Variants in TMOD1 observed in about 807,000 individuals in gnomAD.
TMOD1 encodes the protein tropomodulin-1.
Under a neutral mutation model 40.6 loss-of-function variants are expected in TMOD1, and 17 were observed. The ratio of observed to expected loss-of-function variants is 0.42; its 90% CI spans 0.29 to 0.63. The LOEUF is 0.63. TMOD1 is among the 20% of genes least tolerant of loss of function. The pLI, the probability that TMOD1 is intolerant of heterozygous loss-of-function variation, is 0.22. For missense variants in TMOD1, 391 were observed against 447.6 expected, an observed-to-expected ratio of 0.87 and a Z score of 1.14; for synonymous variants, 181 against 175.0, an observed-to-expected ratio of 1.03 and a Z score of -0.27.
intron 1 of TMOD1, among the ~76,000 whole-genome samples, chr9:97,515,155 AG>A (rs1829783260): frequency 6.7e-6 from 1 of 149,186 alleles, no homozygotes; most frequent in Admixed American, 6.7e-5. Context: ...TGGTCAACAT[AG>A]TGAGACCCTG....
chr9:97,545,120 T>C (rs1571566), intron 2 of TMOD1, among the ~76,000 whole-genome samples: 122,655 of 152,198 alleles, frequency 0.81, 50,176 homozygotes, highest in African/African-American at 0.95. Context: ...CATGTATTCC[T>C]CTAGCTCTGC....
At chr9:97,525,416 C>T (rs1167342065) in intron 2 of TMOD1, among the ~76,000 whole-genome samples, 2 of 152,198 alleles carry the variant, frequency 1.3e-5, no homozygotes, top group Non-Finnish European at 2.9e-5. Flanking sequence ...GTACTCATGA[C>T]AATTACAGTC....
intron 2 of TMOD1, among the ~76,000 whole-genome samples, chr9:97,532,738 T>C (rs773870392): frequency 1.3e-5 from 2 of 152,134 alleles, no homozygotes; most frequent in Admixed American, 6.5e-5. Context: ...AAACCAAGTA[T>C]CCACAACATC....
chr9:97,550,610 C>T (rs1266199090), intron 3 of TMOD1, among the ~76,000 whole-genome samples: 1 of 152,142 alleles, frequency 6.6e-6, no homozygotes, highest in East Asian at 1.9e-4. Flanking sequence ...ATTTGCATCT[C>T]CCTAACAAGC....
intron 2 of TMOD1, among the ~76,000 whole-genome samples, chr9:97,544,924 G>A (rs916139030): frequency 1.1e-4 from 17 of 151,134 alleles, no homozygotes; most frequent in African/African-American, 3.2e-4. Flanking sequence ...CAGGAGAATC[G>A]CTTGAACCTG....
chr9:97,599,847 G>T lies in TMOD1; in HGVS notation c.*149G>T. 7.0e-7 allele frequency: 1 copy of T among 1,428,348 alleles called. No individual in the cohort carries two copies. Among genetic ancestry groups the T allele is most frequent in the East Asian group, 2.5e-5 (1 of 39,522 alleles). The allele number at this position is 1,428,348 out of a possible 1,614,324, so 88.5% of individuals were successfully genotyped here. Reference sequence around the variant, plus strand: ...GCACTAAGGTTTTAGGTTGACTAGTGGTTGTAGTTGAAAATTTTATAAAAT... The same window carrying T: ...GCACTAAGGTTTTAGGTTGACTAGTTGTTGTAGTTGAAAATTTTATAAAAT... On this transcript the variant is annotated 3_prime_UTR_variant, in exon 10 of 10. Transcript: ENST00000259365.
chr9:97,514,396 G>A lies in TMOD1; in HGVS notation c.-48-9745G>A, dbSNP rs145126474. On this transcript the variant is annotated intron_variant, in intron 1 of 9. Coordinates refer to ENST00000259365, the MANE Select transcript of TMOD1 (RefSeq NM_003275.4). ...GCCTCCTAAAGTGTTGGGATTACAG[G>A]CGTGAACCACCGCACCTGGCCGAAA... 2.7e-3 allele frequency among the ~76,000 whole-genome samples: 406 copies of A among 151,948 alleles called. 1 individual carries two copies. The highest frequency in any genetic ancestry group is 9.3e-3 in the African/African-American group (383 of 41,402).
At chr9:97,546,627 G>A (rs577912890) in intron 3 of TMOD1, among the ~76,000 whole-genome samples, 3 of 152,100 alleles carry the variant, frequency 2.0e-5, no homozygotes, top group South Asian at 2.1e-4. Flanking sequence ...ATTTTTTTAC[G>A]CAAACCTAAA....
In TMOD1 at chr9:97,542,798, C is replaced by T. The variant is rs146790514; in HGVS notation, c.121-3387C>T. 6.9e-3 allele frequency among the ~76,000 whole-genome samples: 1,028 copies of T among 148,150 alleles called. 7 individuals are homozygous for T. The highest frequency in any genetic ancestry group is 0.024 in the African/African-American group (961 of 40,122). On this transcript the variant is annotated intron_variant, in intron 2 of 9. Transcript: ENST00000259365. ...CCGGGAGGCAGAAGTTGCAGTGAGC[C>T]GAGATCACGCCACTGCACTCCAGCC... is the stretch of plus-strand genomic sequence containing the variant.
At chr9:97,531,033 A>ACCCCCCCCCCCCCCCCCCCCCCCC (rs202030181) in intron 2 of TMOD1, among the ~76,000 whole-genome samples, 2 of 78,260 alleles carry the variant, frequency 2.6e-5, no homozygotes, top group African/African-American at 5.4e-5. Context: ...GGTGATCCAC[A>ACCCCCCCCCCCCCCCCCCCCCCCC]CCCACCCCCC....
intron 2 of TMOD1, among the ~76,000 whole-genome samples, chr9:97,545,087 A>T (rs1830340922): frequency 6.6e-6 from 1 of 151,684 alleles, no homozygotes; most frequent in African/African-American, 2.4e-5. Context: ...CTTTTGGGTG[A>T]TGTTCTGCCC....
At chr9:97,523,658 C>A (rs981620828) in intron 1 of TMOD1, among the ~76,000 whole-genome samples, 2 of 152,118 alleles carry the variant, frequency 1.3e-5, no homozygotes, top group Non-Finnish European at 2.9e-5. Flanking sequence ...CTATGAACTA[C>A]TTTTTGTAAG....
Position 97,553,313 on chromosome 9 carries a change from G to A in TMOD1, c.310G>A (p.Asp104Asn), listed in dbSNP as rs144311523. The A allele has an allele frequency of 8.1e-6, 13 of 1,614,096 alleles. No individual in the cohort carries two copies. In the African/African-American group the frequency reaches 1.1e-4, roughly 13 times the overall value. ...CTGGGTTCCTAAGCAGAAGCCACTG[G>A]ATCCTGTGCTGGAAAGTGTGACGCT... ...KVWVPKQKPL[D>N]PVLESVTLEP... Residue 104 changes from aspartate to asparagine, a missense_variant, in exon 4 of 10, where the codon GAT (aspartate) becomes AAT (asparagine). By Grantham distance (23) the Asp-to-Asn change is conservative. Coordinates refer to ENST00000259365, the MANE Select transcript of TMOD1 (RefSeq NM_003275.4).
chr9:97,516,974 T>A (rs1429097486), intron 1 of TMOD1, among the ~76,000 whole-genome samples: 1 of 152,106 alleles, frequency 6.6e-6, no homozygotes, highest in Non-Finnish European at 1.5e-5. Flanking sequence ...ATGGTTAAAA[T>A]GGCAAATTTT....
intron 8 of TMOD1, among the ~76,000 whole-genome samples, chr9:97,581,161 C>T (rs891652991): frequency 8.8e-6 from 1 of 113,462 alleles, no homozygotes; most frequent in Non-Finnish European, 1.7e-5. Context: ...CACCCCACAA[C>T]AGTCCCCAGA....
intron 4 of TMOD1, among the ~76,000 whole-genome samples, chr9:97,560,490 A>G (rs1349236388): frequency 6.6e-6 from 1 of 152,080 alleles, no homozygotes; most frequent in African/African-American, 2.4e-5. Flanking sequence ...AGCTAAAAAA[A>G]AATCTGGTGT....
At chr9:97,524,508 G>A (rs1829971849) in intron 2 of TMOD1, among the ~76,000 whole-genome samples, 200 bp downstream of exon 2, 1 of 151,038 alleles carries the variant, frequency 6.6e-6, no homozygotes, top group Non-Finnish European at 1.5e-5. Flanking sequence ...GTGTGTGTGT[G>A]TGTGTGTGTG....
intron 2 of TMOD1, among the ~76,000 whole-genome samples, chr9:97,542,867 A>AG (rs1277012680): frequency 6.9e-6 from 1 of 144,978 alleles, no homozygotes; most frequent in Non-Finnish European, 1.5e-5. Context: ...AAAAAAAAAA[A>AG]GGAAGAAAAT....
Position 97,599,682 on chromosome 9 carries a change from G to A in TMOD1, c.1064G>A (p.Cys355Tyr). The change falls in exon 10 of 10, where the codon TGC becomes TAC. Residue 355 changes from cysteine to tyrosine, a missense_variant. Transcript: ENST00000259365. ...ADLTGPIIPKCRSGV is the reference protein window; with the variant it reads ...ADLTGPIIPKYRSGV Reference sequence around the variant, plus strand: ...CTGACTGGGCCCATCATTCCCAAGTGCCGGAGTGGTGTCTAGTGTGTGGCG... The same window carrying A: ...CTGACTGGGCCCATCATTCCCAAGTACCGGAGTGGTGTCTAGTGTGTGGCG... 6.2e-7 allele frequency: 1 copy of A among 1,614,168 alleles called. No homozygotes were observed. The highest frequency in any genetic ancestry group is 8.5e-7 in the Non-Finnish European group (1 of 1,180,024).
Sources: allele counts gnomAD v4.1 joint callset (sites outside exome capture counted in the v4.1 genomes callset), GRCh38; gene constraint gnomAD v4.1.1; transcripts MANE v1.5; gene names NCBI Gene and HGNC (gene_info 2026-07-23, HGNC 2026-07-21).